Variants in PIEZO1 observed in about 807,000 individuals in gnomAD.
PIEZO1 encodes piezo-type mechanosensitive ion channel component 1.
In PIEZO1, 296 loss-of-function variants were observed where a neutral mutation model predicts 297.2. That is an observed-to-expected ratio of 1.00 (90% CI 0.91 to 1.10). The LOEUF (loss-of-function observed/expected upper bound fraction) is 1.10, where lower values mean the gene tolerates loss of function less well. Among genes scored for constraint, PIEZO1 ranks in the 50% least tolerant of loss-of-function variants. The pLI, the probability that PIEZO1 is intolerant of heterozygous loss-of-function variation, is 0.00. For synonymous variants in PIEZO1, 2,427 were observed against 1,507.5 expected (o/e 1.61, Z -14.13); for missense variants, 5,018 against 3,455.5 (o/e 1.45, Z -11.34).
rs920528969 is a variant in PIEZO1, at chr16:88,722,904, C to T, written c.4601G>A (p.Arg1534Gln). 2.2e-5 allele frequency: 34 copies of T among 1,549,030 alleles called. No individual in the cohort carries two copies. The highest frequency in any genetic ancestry group is 9.8e-5 in the East Asian group (4 of 40,920). ...ELTRWLQEFT[R>Q]HHGTMSDVLR... ...CACGTCGCTCATGGTGCCGTGGTGC[C>T]GGGTGAACTCCTGCAGCCAGCGTGT... is the stretch of plus-strand genomic sequence containing the variant. Residue 1534 changes from arginine to glutamine, a missense_variant, in exon 34 of 51, where the codon CGG (arginine) becomes CAG (glutamine). Coordinates refer to ENST00000301015, the MANE Select transcript of PIEZO1 (RefSeq NM_001142864.4).
intron 1 of PIEZO1, among the ~76,000 whole-genome samples, chr16:88,782,253 G>A (rs975771140): frequency 1.3e-5 from 2 of 152,154 alleles, no homozygotes; most frequent in Non-Finnish European, 2.9e-5. Flanking sequence ...GGGACTACAG[G>A]TGCACTACCA....
At chr16:88,779,036 C>CTTTT (rs34383297) in intron 1 of PIEZO1, among the ~76,000 whole-genome samples, 2 of 135,156 alleles carry the variant, frequency 1.5e-5, no homozygotes, top group Non-Finnish European at 3.1e-5. Flanking sequence ...TACGACTTCA[C>CTTTT]TTTTTTTTTT....
At chr16:88,721,756 A>T in intron 37 of PIEZO1, 30 bp from the exon 38 acceptor site, 1 of 1,533,492 alleles carries the variant, frequency 6.5e-7, no homozygotes, top group South Asian at 1.2e-5. Context: ...GCACGCGGGG[A>T]GGGTCACGGC....
intron 22 of PIEZO1, chr16:88,727,902 G>C (rs778654090): frequency 8.6e-6 from 3 of 347,310 alleles, no homozygotes; most frequent in Non-Finnish European, 1.6e-5. Flanking sequence ...CAGAGAGCAC[G>C]GGGGTGGGGG....
chr16:88,735,508 T>C (rs565549878), intron 12 of PIEZO1, among the ~76,000 whole-genome samples: 1 of 152,388 alleles, frequency 6.6e-6, no homozygotes, highest in Non-Finnish European at 1.5e-5. Flanking sequence ...GGTTCACTAG[T>C]TCACGTGGGC....
At chr16:88,717,261 G>C (rs912875464) in intron 44 of PIEZO1, 50 bp from the exon 45 acceptor site, 1 of 1,479,592 alleles carries the variant, frequency 6.8e-7, no homozygotes, top group Non-Finnish European at 9.2e-7. Flanking sequence ...CTTCCTGCGG[G>C]TCACACAACC....
At chr16:88,722,751 T>C (rs1171706501) in intron 34 of PIEZO1, 62 bp from the exon 35 acceptor site, 10 of 1,527,802 alleles carry the variant, frequency 6.5e-6, no homozygotes, top group Non-Finnish European at 7.9e-6. Flanking sequence ...CGGGGTTTCG[T>C]GCAGTGGGCG....
At chr16:88,725,277 G>A (rs946878562) in intron 29 of PIEZO1, 139 bp downstream of exon 29, 5 of 697,210 alleles carry the variant, frequency 7.2e-6, no homozygotes, top group African/African-American at 5.5e-5. Flanking sequence ...GGGCCTGCCA[G>A]ACAGAGGGTG....
rs1908131905 is a variant in PIEZO1, at chr16:88,785,215, G to T, written c.-251C>A. The T allele has an allele frequency of 4.3e-6, 1 of 231,316 alleles. No individual in the cohort carries two copies. The highest frequency in any genetic ancestry group is 2.3e-5 in the African/African-American group (1 of 43,424). 14.3% of individuals were successfully genotyped at this position (231,316 alleles called of 1,614,324 possible). The stretch of plus-strand genomic sequence containing the variant: ...TGGGGCCGAGCTGGGCCGGACGGCG[G>T]CTCCCGCCCTCCTCCGCCCGCGGGC... On this transcript the variant is annotated 5_prime_UTR_variant, in exon 1 of 51. Transcript: ENST00000301015.
At chr16:88,771,465 T>A (rs1382389197) in intron 1 of PIEZO1, among the ~76,000 whole-genome samples, 5 of 152,070 alleles carry the variant, frequency 3.3e-5, no homozygotes, top group African/African-American at 1.2e-4. Flanking sequence ...GCAGGCAGGG[T>A]AAGGAGCACA....
intron 1 of PIEZO1, among the ~76,000 whole-genome samples, chr16:88,783,828 C>T (rs889712465): frequency 6.6e-6 from 1 of 152,262 alleles, no homozygotes; most frequent in East Asian, 1.9e-4. Context: ...GTCTGGGAGC[C>T]TCAGGCAGGC....
intron 22 of PIEZO1, among the ~76,000 whole-genome samples, chr16:88,730,230 G>C (rs1045629547): frequency 4.6e-5 from 7 of 152,268 alleles, no homozygotes; most frequent in African/African-American, 1.2e-4. Context: ...GGGCTCCCTG[G>C]AGCAATGGCT....
At chr16:88,754,965 G>A (rs1248808686) in intron 1 of PIEZO1, among the ~76,000 whole-genome samples, 1 of 152,238 alleles carries the variant, frequency 6.6e-6, no homozygotes, top group Non-Finnish European at 1.5e-5. Flanking sequence ...CCCAGCAGCT[G>A]AACCTCCCAC....
chr16:88,743,722 G>T (rs893682188), intron 2 of PIEZO1: 13 of 442,706 alleles, frequency 2.9e-5, no homozygotes, highest in Non-Finnish European at 5.1e-5. Context: ...TGACCGTGAA[G>T]CAGCCCTCAC....
At position 88,722,599 on chromosome 16, in the gene PIEZO1, G is replaced by C. The variant is rs1234631767; in HGVS notation, c.4759C>G (p.Pro1587Ala). Reference sequence around the variant, plus strand: ...CGCACCTACCTGGACACGGTGCTTGGGGCATTGGGGGCCTCGGTGGGGCCT... The same window carrying C: ...CGCACCTACCTGGACACGGTGCTTGCGGCATTGGGGGCCTCGGTGGGGCCT... ...LPGPTEAPNA[P>A]STVSSGLGAE... The change falls in exon 35 of 51, where the codon CCA (proline) becomes GCA (alanine). Residue 1587 changes from proline (P) to alanine (A), a missense_variant. By Grantham distance (27) the Pro-to-Ala change is conservative. Transcript: ENST00000301015. 13 of 1,536,794 alleles carry C rather than the reference G, an allele frequency of 8.5e-6. No homozygotes were observed. The highest frequency in any genetic ancestry group is 2.0e-5 in the Admixed American group (1 of 50,610).
chr16:88,733,068 G>A lies in PIEZO1; in HGVS notation c.2664+210C>T, dbSNP rs1049311162. The A allele has an allele frequency of 6.7e-6, 4 of 596,474 alleles. No homozygotes were observed. The Admixed American group carries it at 1.2e-4, about 18-fold the overall frequency. 36.9% of individuals were successfully genotyped at this position (596,474 alleles called of 1,614,324 possible). A position where few individuals can be genotyped will look rare whatever the true frequency, so the allele number is the denominator to read the frequency against. On this transcript the variant is annotated intron_variant, in intron 19 of 50. Coordinates refer to ENST00000301015, the MANE Select transcript of PIEZO1 (RefSeq NM_001142864.4). ...GAGACCCTGGGACTCCGCCCCTACT[G>A]GACACCCTTGTGTGCAGGGAGTGCG...
At chr16:88,762,293 G>T (rs1906968646) in intron 1 of PIEZO1, among the ~76,000 whole-genome samples, 1 of 152,162 alleles carries the variant, frequency 6.6e-6, no homozygotes, top group Non-Finnish European at 1.5e-5. Flanking sequence ...ACTCAGAGGG[G>T]CGGTGACAAA....
chr16:88,717,792 A>G, intron 44 of PIEZO1: 1 of 450,854 alleles, frequency 2.2e-6, no homozygotes, highest in Non-Finnish European at 4.4e-6. Flanking sequence ...CAATTCAGTC[A>G]TTTCTAGCCA....
chr16:88,736,890 T>G (rs1905257999), intron 10 of PIEZO1, 151 bp from the exon 11 acceptor site: 1 of 533,112 alleles, frequency 1.9e-6, no homozygotes, highest in African/African-American at 2.0e-5. Flanking sequence ...CTCCGGCAAT[T>G]GGGCTGACAC....
Sources: gnomAD v4.1 joint callset for allele counts (sites outside exome capture counted in the v4.1 genomes callset) on GRCh38, gnomAD v4.1.1 for gene constraint, MANE v1.5 for transcripts, NCBI Gene and HGNC (gene_info 2026-07-23, HGNC 2026-07-21) for gene names.